Variants in NEXMIF observed in about 807,000 individuals in gnomAD.
The protein encoded by NEXMIF is XLMR protein related to neurite extension.
NEXMIF carries 8 observed loss-of-function variants against 62.1 expected under a neutral mutation model. The observed-to-expected ratio is 0.13, with a 90% confidence interval of 0.08 to 0.23. NEXMIF has a LOEUF of 0.23. Ranked by LOEUF, NEXMIF falls within the 10% of genes least tolerant of loss-of-function variation. The pLI, the probability that NEXMIF is intolerant of heterozygous loss-of-function variation, is 1.00. For missense variants in NEXMIF, 976 were observed against 1,113.3 expected (o/e 0.88, Z 1.75); for synonymous variants, 404 against 416.6 (o/e 0.97, Z 0.37).
intron 1 of NEXMIF, among the ~76,000 whole-genome samples, chrX:74,790,414 C>A (rs2080276769): frequency 8.9e-6 from 1 of 112,994 alleles, no homozygotes; most frequent in South Asian, 3.5e-4. Context: ...TAGTGTGATG[C>A]CTCCAGCTTT....
intron 1 of NEXMIF, among the ~76,000 whole-genome samples, chrX:74,814,517 G>C (rs1364638517): frequency 9.0e-6 from 1 of 111,591 alleles, no homozygotes; most frequent in East Asian, 2.8e-4. Flanking sequence ...CATGTGCCAG[G>C]TCTCTTGCTA....
chrX:74,826,518 C>G (rs192739627), intron 1 of NEXMIF, among the ~76,000 whole-genome samples: 1 of 111,893 alleles, frequency 8.9e-6, no homozygotes, highest in Admixed American at 9.5e-5. Flanking sequence ...ATAATAACCC[C>G]TTATCGAATG....
At chrX:74,826,691 A>C in intron 1 of NEXMIF, among the ~76,000 whole-genome samples, 1 of 109,869 alleles carries the variant, frequency 9.1e-6, no homozygotes. Context: ...TACTGCCCAG[A>C]CCAATGTATT....
chrX:74,757,191 A>G (rs1310323658), intron 1 of NEXMIF, among the ~76,000 whole-genome samples: 3 of 112,296 alleles, frequency 2.7e-5, no homozygotes, highest in Non-Finnish European at 5.6e-5. Flanking sequence ...ATACTAGAAA[A>G]ATTTCAAGTG....
intron 1 of NEXMIF, among the ~76,000 whole-genome samples, chrX:74,889,807 GA>G (rs754732016): frequency 8.1e-5 from 9 of 111,624 alleles, no homozygotes; most frequent in Admixed American, 6.6e-4. Context: ...ACATCTCAGA[GA>G]TAGCTTAATA....
chrX:74,819,105 T>C (rs1264286791), intron 1 of NEXMIF, among the ~76,000 whole-genome samples: 1 of 112,081 alleles, frequency 8.9e-6, no homozygotes, highest in Non-Finnish European at 1.9e-5. Context: ...ATTTAATAAA[T>C]GGTGTTGGAA....
rs1338111815 is a variant in NEXMIF, at chrX:74,762,815, GT to G, written c.-47-17119del. Among the ~76,000 whole-genome samples the G allele has an allele frequency of 1.0e-4, 11 of 109,148 alleles. No homozygotes were observed. In the East Asian group the frequency reaches 2.6e-3, roughly 26 times the overall value. The allele number at this position is 109,148 out of a possible 115,157, so 94.8% of individuals were successfully genotyped here. A position where few individuals can be genotyped will look rare whatever the true frequency, so the allele number is the denominator to read the frequency against. ...CACCCACTTTTTGATGGGGTTGTTT[GT>G]TTTTTTTTCTTGTAAATTTGTTTCA... is the stretch of plus-strand genomic sequence containing the variant. On this transcript the variant is annotated intron_variant, in intron 1 of 3. Transcript: ENST00000055682.
chrX:74,794,027 G>A (rs1203079635), intron 1 of NEXMIF, among the ~76,000 whole-genome samples: 3 of 84,954 alleles, frequency 3.5e-5, no homozygotes, highest in Admixed American at 1.4e-4. Flanking sequence ...GAGGAACTGC[G>A]TTCCTTTGGA....
chrX:74,872,874 T>A (rs2080608437), intron 1 of NEXMIF, among the ~76,000 whole-genome samples: 1 of 110,357 alleles, frequency 9.1e-6, no homozygotes, highest in African/African-American at 3.3e-5. Flanking sequence ...GAAAAATACC[T>A]GTCACCTACT....
intron 1 of NEXMIF, among the ~76,000 whole-genome samples, chrX:74,777,677 T>C (rs1207775430): frequency 1.8e-5 from 2 of 111,510 alleles, no homozygotes; most frequent in Non-Finnish European, 3.8e-5. Flanking sequence ...TTTGTGCTGG[T>C]GTTTTGCTCA....
At chrX:74,923,362 T>C (rs1325579909) in intron 1 of NEXMIF, among the ~76,000 whole-genome samples, 2 of 112,433 alleles carry the variant, frequency 1.8e-5, no homozygotes, top group Admixed American at 1.9e-4. Flanking sequence ...ACTAGACAGA[T>C]GGTTAATTAT....
chrX:74,852,897 G>A (rs1284665150), intron 1 of NEXMIF, among the ~76,000 whole-genome samples: 1 of 110,877 alleles, frequency 9.0e-6, no homozygotes, highest in African/African-American at 3.3e-5. Context: ...TACTAGAAAA[G>A]CAAGAACAAA....
rs781068385 is a variant in NEXMIF, at chrX:74,751,623, C to CCCTTCCTTCCTTCCTT, written c.-47-5942_-47-5927dup. Reference sequence around the variant, plus strand: ...GCTGTGATTACAGGCTACCATCACGCCCTTCCTTCCTTCCTTCCTTCCTTC... The same window carrying CCCTTCCTTCCTTCCTT: ...GCTGTGATTACAGGCTACCATCACGCCCTTCCTTCCTTCCTTCCTTCCTTCCTTCCTTCCTTCCTTC... On this transcript the variant is annotated intron_variant, in intron 1 of 3. Coordinates refer to ENST00000055682, the MANE Select transcript of NEXMIF (RefSeq NM_001008537.3). Among the ~76,000 whole-genome samples the CCCTTCCTTCCTTCCTT allele has an allele frequency of 4.5e-3, 395 of 87,301 alleles. 7 individuals are homozygous for CCCTTCCTTCCTTCCTT. Among genetic ancestry groups the CCCTTCCTTCCTTCCTT allele is most frequent in the African/African-American group, 0.016 (347 of 21,550 alleles). 75.8% of individuals were successfully genotyped at this position (87,301 alleles called of 115,157 possible).
intron 1 of NEXMIF, among the ~76,000 whole-genome samples, chrX:74,832,910 G>A (rs2080442986): frequency 9.0e-6 from 1 of 111,640 alleles, no homozygotes; most frequent in South Asian, 3.7e-4. Flanking sequence ...TAGTTTCCAT[G>A]TGTTTGTATA....
chrX:74,798,502 G>C (rs2080319322), intron 1 of NEXMIF, among the ~76,000 whole-genome samples: 1 of 112,231 alleles, frequency 8.9e-6, no homozygotes, highest in African/African-American at 3.2e-5. Flanking sequence ...GTTTCTTGGA[G>C]AAGAGTCTTG....
intron 1 of NEXMIF, among the ~76,000 whole-genome samples, chrX:74,872,239 G>C: frequency 9.0e-6 from 1 of 111,124 alleles, no homozygotes; most frequent in Middle Eastern, 4.7e-3. Context: ...GAGTGCTACT[G>C]GGCCATAAAA....
At chrX:74,753,982 G>T (rs1048997700) in intron 1 of NEXMIF, among the ~76,000 whole-genome samples, 11 of 112,248 alleles carry the variant, frequency 9.8e-5, no homozygotes, top group Non-Finnish European at 2.1e-4. Flanking sequence ...TATTTTTTGA[G>T]ATGGAGTCTC....
At chrX:74,829,941 G>A (rs976071810) in intron 1 of NEXMIF, among the ~76,000 whole-genome samples, 2 of 111,190 alleles carry the variant, frequency 1.8e-5, no homozygotes, top group Non-Finnish European at 3.8e-5. Context: ...TTCTTATTCT[G>A]GTTATTGATC....
In NEXMIF at chrX:74,896,975, A is replaced by C. The variant is rs778542040; in HGVS notation, c.-48+27908T>G. 2.7e-5 allele frequency among the ~76,000 whole-genome samples: 3 copies of C among 112,174 alleles called. No individual in the cohort carries two copies. In the South Asian group the frequency reaches 1.1e-3, roughly 42 times the overall value. ...CATATGCTTTCTAAGTTCTGGCTTG[A>C]TCACCCAATTGATATCTACTAGCAT... On this transcript the variant is annotated intron_variant, in intron 1 of 3. Coordinates refer to ENST00000055682, the MANE Select transcript of NEXMIF (RefSeq NM_001008537.3).
Sources: gnomAD v4.1 joint callset for allele counts (sites outside exome capture counted in the v4.1 genomes callset) on GRCh38, gnomAD v4.1.1 for gene constraint, MANE v1.5 for transcripts, NCBI Gene and HGNC (gene_info 2026-07-23, HGNC 2026-07-21) for gene names.